The following KCNH5 variants were observed in gnomAD, a reference collection of about 807,000 sequenced individuals.
The protein encoded by KCNH5 is voltage-gated delayed rectifier potassium channel KCNH5.
In KCNH5, 46 loss-of-function variants were observed where a neutral mutation model predicts 96.1. The ratio of observed to expected loss-of-function variants is 0.48; its 90% CI spans 0.38 to 0.61. KCNH5 has a LOEUF of 0.61. Ranked by LOEUF, KCNH5 falls within the 20% of genes least tolerant of loss-of-function variation. The pLI, the probability that KCNH5 is intolerant of heterozygous loss-of-function variation, is 0.00. For missense variants in KCNH5, 907 were observed against 1,225.8 expected (o/e 0.74, Z 3.88); for synonymous variants, 439 against 449.8 (o/e 0.98, Z 0.30).
rs531461822 is a variant in KCNH5, at chr14:62,718,641, A to G, written c.2020-10186T>C. On this transcript the variant is annotated intron_variant, in intron 10 of 10. Coordinates refer to ENST00000322893, the MANE Select transcript of KCNH5 (RefSeq NM_139318.5). ...GTAAAATGGCATAGCTTCTGTGGAA[A>G]ACAGCTTGGCAGTGTCTCAAAAAGT... Among the ~76,000 whole-genome samples the G allele has an allele frequency of 2.0e-5, 3 of 152,310 alleles. No individual in the cohort carries two copies. The South Asian group carries it at 6.2e-4, about 32-fold the overall frequency.
chr14:62,972,177 G>C (rs1890421855), intron 6 of KCNH5, among the ~76,000 whole-genome samples: 1 of 152,052 alleles, frequency 6.6e-6, no homozygotes. Flanking sequence ...CAAAAGATCT[G>C]AACACACATC....
At chr14:62,924,233 T>C (rs1889431550) in intron 7 of KCNH5, among the ~76,000 whole-genome samples, 1 of 151,878 alleles carries the variant, frequency 6.6e-6, no homozygotes, top group South Asian at 2.1e-4. Context: ...TCAACATCAT[T>C]AGTCATTAGG....
chr14:62,786,543 C>A (rs150605900), intron 9 of KCNH5, among the ~76,000 whole-genome samples: 1 of 152,192 alleles, frequency 6.6e-6, no homozygotes, highest in Non-Finnish European at 1.5e-5. Context: ...ATGAAAGCAG[C>A]TAAAATCTAC....
At chr14:62,780,863 A>C (rs1441724606) in intron 9 of KCNH5, among the ~76,000 whole-genome samples, 1 of 152,198 alleles carries the variant, frequency 6.6e-6, no homozygotes, top group Non-Finnish European at 1.5e-5. Context: ...GAAAAGTTTT[A>C]AAGTGAAAAA....
In KCNH5 at chr14:62,971,941, T is replaced by C. The variant is rs115013657; in HGVS notation, c.942+8931A>G. Among the ~76,000 whole-genome samples, 1,461 of 152,166 alleles carry C rather than the reference T, an allele frequency of 9.6e-3. 19 individuals are homozygous for C. Among genetic ancestry groups the C allele is most frequent in the African/African-American group, 0.034 (1,397 of 41,504 alleles). ...AGGAGAAAATCTAGATGACCTTGAGTATGACAATGACTTTATAGATACAAC... is the reference window on the plus strand; with the variant it reads ...AGGAGAAAATCTAGATGACCTTGAGCATGACAATGACTTTATAGATACAAC... On this transcript the variant is annotated intron_variant, in intron 6 of 10. Coordinates refer to ENST00000322893, the MANE Select transcript of KCNH5 (RefSeq NM_139318.5).
intron 7 of KCNH5, among the ~76,000 whole-genome samples, chr14:62,931,099 C>T (rs893341857): frequency 2.6e-5 from 4 of 151,966 alleles, no homozygotes; most frequent in Non-Finnish European, 5.9e-5. Flanking sequence ...AGAAAATGAT[C>T]GAGCAGAGGT....
chr14:62,932,998 A>C (rs1323577480), intron 7 of KCNH5, among the ~76,000 whole-genome samples: 1 of 152,176 alleles, frequency 6.6e-6, no homozygotes, highest in Non-Finnish European at 1.5e-5. Flanking sequence ...CATTCAAAAC[A>C]GATATAGGAA....
At chr14:62,722,930 A>G (rs1244012479) in intron 10 of KCNH5, among the ~76,000 whole-genome samples, 1 of 152,160 alleles carries the variant, frequency 6.6e-6, no homozygotes, top group Non-Finnish European at 1.5e-5. Context: ...CCACTATTTT[A>G]TATCGACACT....
intron 7 of KCNH5, among the ~76,000 whole-genome samples, chr14:62,911,730 T>A (rs1889159061): frequency 6.6e-6 from 1 of 151,882 alleles, no homozygotes; most frequent in African/African-American, 2.4e-5. Context: ...AGCTTTTTTT[T>A]TTTTTAACTC....
chr14:63,004,404 T>C (rs1321429312), intron 3 of KCNH5, among the ~76,000 whole-genome samples: 2 of 152,182 alleles, frequency 1.3e-5, no homozygotes, highest in African/African-American at 2.4e-5. Context: ...ATATATCCCA[T>C]TGGCTATAAG....
chr14:62,822,808 A>G (rs1457080302), intron 8 of KCNH5, among the ~76,000 whole-genome samples: 2 of 152,140 alleles, frequency 1.3e-5, no homozygotes, highest in Admixed American at 1.3e-4. Context: ...AGGTACACAC[A>G]TTAAAAGAAA....
At chr14:62,747,997 C>T (rs1246367241) in intron 10 of KCNH5, among the ~76,000 whole-genome samples, 1 of 152,124 alleles carries the variant, frequency 6.6e-6, no homozygotes. Context: ...AAATTCCTTG[C>T]CACTAAACGT....
chr14:62,889,100 A>G (rs2060684017), intron 7 of KCNH5, among the ~76,000 whole-genome samples: 1 of 152,178 alleles, frequency 6.6e-6, no homozygotes, highest in African/African-American at 2.4e-5. Flanking sequence ...AGCTCTGAGA[A>G]GGAGGAGATT....
At chr14:62,869,015 A>G (rs534229923) in intron 7 of KCNH5, among the ~76,000 whole-genome samples, 1 of 152,322 alleles carries the variant, frequency 6.6e-6, no homozygotes, top group East Asian at 1.9e-4. Flanking sequence ...ATGTGTCTTT[A>G]TAGTAGAATG....
chr14:63,001,746 A>G (rs1306686464), intron 3 of KCNH5, among the ~76,000 whole-genome samples: 1 of 152,246 alleles, frequency 6.6e-6, no homozygotes, highest in African/African-American at 2.4e-5. Context: ...CAGTCTTGCT[A>G]CTTAAGCAAT....
Position 63,045,231 on chromosome 14 carries a change from G to A in KCNH5, c.-45C>T, listed in dbSNP as rs1891902621. On this transcript the variant is annotated 5_prime_UTR_variant, in exon 1 of 11. Transcript: ENST00000322893. ...GGCCAGGATCCGCGGCGGGGGAGGGGGGGATGCAGGCAAAGAAGGTGGAGG... is the reference window on the plus strand; with the variant it reads ...GGCCAGGATCCGCGGCGGGGGAGGGAGGGATGCAGGCAAAGAAGGTGGAGG... 5 of 1,429,672 alleles carry A rather than the reference G, an allele frequency of 3.5e-6. No homozygotes were observed. The highest frequency in any genetic ancestry group is 2.3e-5 in the South Asian group (2 of 87,390). The allele number at this position is 1,429,672 out of a possible 1,614,324, so 88.6% of individuals were successfully genotyped here.
intron 7 of KCNH5, among the ~76,000 whole-genome samples, chr14:62,884,006 C>A (rs1332274029): frequency 6.6e-6 from 1 of 152,136 alleles, no homozygotes; most frequent in African/African-American, 2.4e-5. Flanking sequence ...AGTTTATAAA[C>A]TTCTGGGATT....
rs149639028 is a variant in KCNH5 at position 62,823,451 on chromosome 14, A to G, written c.1570-20870T>C. 2.1e-3 allele frequency among the ~76,000 whole-genome samples: 316 copies of G among 152,212 alleles called. 1 individual carries two copies. Among genetic ancestry groups the G allele is most frequent in the African/African-American group, 7.4e-3 (309 of 41,566 alleles). ...GATTGGGGGTATGAGTAATGGAGTC[A>G]TGGTGAAATTAATACCTCTAAACAC... On this transcript the variant is annotated intron_variant, in intron 8 of 10. Transcript: ENST00000322893.
At chr14:62,725,845 C>A (rs1175519260) in intron 10 of KCNH5, among the ~76,000 whole-genome samples, 2 of 152,076 alleles carry the variant, frequency 1.3e-5, no homozygotes, top group Non-Finnish European at 2.9e-5. Context: ...CCTACAATAG[C>A]CAAAGCAATA....
Sources: allele counts gnomAD v4.1 joint callset (sites outside exome capture counted in the v4.1 genomes callset), GRCh38; gene constraint gnomAD v4.1.1; transcripts MANE v1.5; gene names NCBI Gene and HGNC (gene_info 2026-07-23, HGNC 2026-07-21).